SDCBP: variants seen among roughly 807,000 people sequenced by gnomAD.
SDCBP encodes the protein syntenin-1.
Under a neutral mutation model 30.5 loss-of-function variants are expected in SDCBP, and 22 were observed. The observed-to-expected ratio is 0.72, with a 90% CI of 0.52 to 1.03. The LOEUF (loss-of-function observed/expected upper bound fraction) is 1.03, where lower values mean the gene tolerates loss of function less well. Ranked by LOEUF, SDCBP falls within the 50% of genes least tolerant of loss-of-function variation. The pLI is 0.00. For missense variants in SDCBP, 304 were observed against 369.9 expected (o/e 0.82, Z 1.46); for synonymous variants, 103 against 118.7 (o/e 0.87, Z 0.86).
chr8:58,557,461 A>G (rs1020314859), intron 1 of SDCBP, among the ~76,000 whole-genome samples: 25 of 144,964 alleles, frequency 1.7e-4, no homozygotes, highest in Admixed American at 5.6e-4. Flanking sequence ...ATTATATAAT[A>G]CATATTATAT....
intron 6 of SDCBP, among the ~76,000 whole-genome samples, chr8:58,579,307 C>G (rs942566782): frequency 8.2e-4 from 124 of 151,848 alleles, no homozygotes; most frequent in African/African-American, 2.8e-3. Flanking sequence ...AGTTAAAAAG[C>G]CTATGTCATT....
intron 1 of SDCBP, among the ~76,000 whole-genome samples, chr8:58,555,905 T>G (rs7843989): frequency 0.33 from 50,825 of 151,922 alleles, 8,690 homozygotes; most frequent in East Asian, 0.55. Flanking sequence ...ACATTTTTCA[T>G]TCATTTTATG....
At chr8:58,573,903 C>T (rs1448612921) in intron 4 of SDCBP, among the ~76,000 whole-genome samples, 2 of 152,128 alleles carry the variant, frequency 1.3e-5, no homozygotes, top group Non-Finnish European at 2.9e-5. Flanking sequence ...GTGACAACAA[C>T]AACAACTTTA....
At chr8:58,556,882 T>TTATAATACG (rs937594509) in intron 1 of SDCBP, among the ~76,000 whole-genome samples, 1 of 144,080 alleles carries the variant, frequency 6.9e-6, no homozygotes, top group Non-Finnish European at 1.5e-5. Context: ...TACATATATA[T>TTATAATACG]TATAATACGT....
rs750373936 is a variant in SDCBP, at chr8:58,575,880, A to G, written c.241-20A>G. ...GGAGAGTGTTTCTAGATATTGACAC[A>G]TTGTATATGGTTTTGTCAGCAGTTG... is the stretch of plus-strand genomic sequence containing the variant. On this transcript the variant is annotated intron_variant, in intron 4 of 8. Coordinates refer to ENST00000260130, the MANE Select transcript of SDCBP (RefSeq NM_005625.4). The G allele has an allele frequency of 1.3e-6, 2 of 1,585,076 alleles. No individual in the cohort carries two copies. Among genetic ancestry groups the G allele is most frequent in the Non-Finnish European group, 1.7e-6 (2 of 1,159,484 alleles).
rs1805059924 is a variant in SDCBP at position 58,572,114 on chromosome 8, A to C, written c.131-91A>C. The C allele has an allele frequency of 4.2e-6, 3 of 720,036 alleles. No individual in the cohort carries two copies. In the African/African-American group the frequency reaches 5.3e-5, roughly 13 times the overall value. The allele number at this position is 720,036 out of a possible 1,614,324, so 44.6% of individuals were successfully genotyped here. On this transcript the variant is annotated intron_variant, in intron 3 of 8. Coordinates refer to ENST00000260130, the MANE Select transcript of SDCBP (RefSeq NM_005625.4). ...ATTCTAGATTTTATAACTTAAGTGT[A>C]ATTTTGTTAATACGCAGAAGCCCAT...
At chr8:58,578,344 TTGTGTGGTGCAGA>T (rs1805467207) in intron 6 of SDCBP, 136 bp downstream of exon 6, 2 of 552,882 alleles carry the variant, frequency 3.6e-6, no homozygotes, top group Admixed American at 7.6e-5. Context: ...AGTCTTGCAG[TTGTGTGGTGCAGA>T]TTTTTCTTAC....
In SDCBP at chr8:58,578,134, A is replaced by G. The variant is rs1358935247; in HGVS notation, c.504A>G (p.Gly168=). The change falls in exon 6 of 9, where the codon GGA becomes GGG. Residue 168 remains glycine, a synonymous_variant. Coordinates refer to ENST00000260130, the MANE Select transcript of SDCBP (RefSeq NM_005625.4). ...VLQINGENCA[G]WSSDKAHKVL... The stretch of plus-strand genomic sequence containing the variant: ...AGATCAATGGTGAAAACTGTGCAGG[A>G]TGGAGCTCTGATAAAGCGCACAAGG... The G allele has an allele frequency of 6.2e-7, 1 of 1,612,490 alleles. No individual in the cohort carries two copies. The highest frequency in any genetic ancestry group is 2.2e-5 in the East Asian group (1 of 44,754).
In SDCBP at chr8:58,576,020, C is replaced by T; in HGVS notation, c.361C>T (p.Gln121Ter). 1 of 1,613,116 alleles carries T rather than the reference C, an allele frequency of 6.2e-7. No homozygotes were observed. The highest frequency in any genetic ancestry group is 8.5e-7 in the Non-Finnish European group (1 of 1,179,414). The part of the protein sequence containing the change: ...GIREVILCKD[Q>*]DGKIGLRLKS... ...TCGTGAAGTCATTTTGTGTAAGGAT[C>T]AAGATGGAAAAATTGGACTCAGGCT... is the stretch of plus-strand genomic sequence containing the variant. The change falls in exon 5 of 9, where the codon CAA (glutamine) becomes TAA (stop). Residue 121 changes from glutamine to a stop codon, truncating the protein, a stop_gained. Coordinates refer to ENST00000260130, the MANE Select transcript of SDCBP (RefSeq NM_005625.4). LOFTEE classifies it high-confidence loss of function.
At chr8:58,554,400 T>C (rs969440607) in intron 1 of SDCBP, among the ~76,000 whole-genome samples, 1 of 152,230 alleles carries the variant, frequency 6.6e-6, no homozygotes, top group Non-Finnish European at 1.5e-5. Context: ...TACGTCCTTT[T>C]GTCTTCTGTG....
chr8:58,558,876 G>A (rs1360516455), intron 1 of SDCBP, among the ~76,000 whole-genome samples: 1 of 152,200 alleles, frequency 6.6e-6, no homozygotes, highest in Non-Finnish European at 1.5e-5. Context: ...GGAAGCATGT[G>A]ACCTGGGTGG....
intron 5 of SDCBP, 54 bp from the exon 6 acceptor site, chr8:58,577,979 T>G: frequency 1.4e-6 from 2 of 1,381,744 alleles, no homozygotes. Context: ...TTCCAGCGTT[T>G]AAAACCGTAT....
intron 1 of SDCBP, among the ~76,000 whole-genome samples, chr8:58,562,287 A>G (rs961720375): frequency 3.9e-5 from 6 of 152,174 alleles, no homozygotes; most frequent in African/African-American, 1.4e-4. Context: ...CCAGTTTATA[A>G]GAGACTCACT....
chr8:58,565,420 A>AT (rs1804655125), intron 2 of SDCBP, among the ~76,000 whole-genome samples: 1 of 152,034 alleles, frequency 6.6e-6, no homozygotes, highest in Admixed American at 6.6e-5. Flanking sequence ...AAATTGGTAT[A>AT]TTTTTCTTTT....
intron 4 of SDCBP, among the ~76,000 whole-genome samples, chr8:58,572,686 A>T (rs995371228): frequency 2.6e-5 from 4 of 151,644 alleles, no homozygotes; most frequent in Admixed American, 2.0e-4. Flanking sequence ...CTTCATTATT[A>T]TAGTACTCTC....
chr8:58,568,384 C>A lies in SDCBP; in HGVS notation c.52-2503C>A, dbSNP rs1279357307. On this transcript the variant is annotated intron_variant, in intron 2 of 8. Coordinates refer to ENST00000260130, the MANE Select transcript of SDCBP (RefSeq NM_005625.4). ...ACTGAAAGGTCTTCAGAGGCAGTAA[C>A]ATGCATGGAGTTGTCATTTCCAATG... 3.3e-5 allele frequency among the ~76,000 whole-genome samples: 5 copies of A among 152,266 alleles called. No homozygotes were observed. The East Asian group carries it at 9.7e-4, about 29-fold the overall frequency.
In SDCBP at chr8:58,582,580, T is replaced by TAA. The variant is rs556904207; in HGVS notation, c.*843_*844dup. On this transcript the variant is annotated 3_prime_UTR_variant, in exon 9 of 9. Coordinates refer to ENST00000260130, the MANE Select transcript of SDCBP (RefSeq NM_005625.4). ...AAGAAGTGAATCACTATATGTGATG[T>TAA]AAAAGTTATTACACTAAACAGGATA... The TAA allele has an allele frequency of 3.9e-4, 59 of 152,762 alleles. No individual in the cohort carries two copies. The highest frequency in any genetic ancestry group is 6.8e-3 in the Middle Eastern group (2 of 294). 9.5% of individuals were successfully genotyped at this position (152,762 alleles called of 1,614,324 possible). A position where few individuals can be genotyped will look rare whatever the true frequency, so the allele number is the denominator to read the frequency against.
chr8:58,571,368 C>T lies in SDCBP; in HGVS notation c.130+403C>T, dbSNP rs1805011274. 3.3e-5 allele frequency among the ~76,000 whole-genome samples: 5 copies of T among 152,058 alleles called. No homozygotes were observed. The South Asian group carries it at 1.0e-3, about 31-fold the overall frequency. On this transcript the variant is annotated intron_variant, in intron 3 of 8. Transcript: ENST00000260130. The stretch of plus-strand genomic sequence containing the variant: ...TATGGGAGCTTCTGAAATTTCCAAC[C>T]ACCTCCTCTTTGGGAAGCCTCCTAA...
intron 1 of SDCBP, chr8:58,561,756 G>C: frequency 1.5e-6 from 1 of 686,192 alleles, no homozygotes; most frequent in Non-Finnish European, 2.6e-6. Flanking sequence ...AAATGATAAA[G>C]CTATGGACAA....
Sources: allele counts gnomAD v4.1 joint callset (sites outside exome capture counted in the v4.1 genomes callset), GRCh38; gene constraint gnomAD v4.1.1; transcripts MANE v1.5; gene names NCBI Gene and HGNC (gene_info 2026-07-23, HGNC 2026-07-21).